AKAP12: variants seen among roughly 807,000 people sequenced by gnomAD.
AKAP12 encodes the protein A-kinase anchor protein 12.
A neutral mutation model predicts 79.9 loss-of-function variants in AKAP12; 32 were observed. The observed-to-expected ratio is 0.40, with a 90% CI of 0.30 to 0.54. AKAP12 has a LOEUF of 0.54. AKAP12 is among the 20% of genes least tolerant of loss of function. The pLI is 0.48. For synonymous variants in AKAP12, 808 were observed against 857.0 expected (o/e 0.94, Z 1.00); for missense variants, 2,074 against 2,177.0 (o/e 0.95, Z 0.94).
At chr6:151,246,094 A>G (rs1269635553) in intron 2 of AKAP12, among the ~76,000 whole-genome samples, 1 of 152,170 alleles carries the variant, frequency 6.6e-6, no homozygotes, top group Non-Finnish European at 1.5e-5. Flanking sequence ...CATAAGTGTA[A>G]TTGCTGAATT....
intron 2 of AKAP12, among the ~76,000 whole-genome samples, chr6:151,248,704 TG>T (rs1412515367): frequency 3.3e-5 from 5 of 152,140 alleles, no homozygotes; most frequent in Non-Finnish European, 7.4e-5. Flanking sequence ...AAAAGTGGGT[TG>T]CTGGCCGGGC....
intron 3 of AKAP12, 91 bp from the exon 4 acceptor site, chr6:151,348,620 G>A (rs1778175736): frequency 1.1e-5 from 11 of 970,270 alleles, no homozygotes; most frequent in Non-Finnish European, 1.5e-5. Context: ...GCCGGGGCAA[G>A]AGAGTGAGGC....
chr6:151,290,875 G>A (rs761618075), intron 2 of AKAP12, among the ~76,000 whole-genome samples: 43 of 152,294 alleles, frequency 2.8e-4, no homozygotes, highest in Non-Finnish European at 1.2e-4. Flanking sequence ...CTACCGAAGT[G>A]CTGGGATTAC....
chr6:151,274,041 A>T (rs923471567), intron 2 of AKAP12, among the ~76,000 whole-genome samples: 1 of 146,828 alleles, frequency 6.8e-6, no homozygotes, highest in African/African-American at 2.6e-5. Context: ...AAACAAAAAC[A>T]AAAAAGAATG....
At chr6:151,322,691 C>A (rs904522827) in intron 3 of AKAP12, among the ~76,000 whole-genome samples, 14 of 149,654 alleles carry the variant, frequency 9.4e-5, no homozygotes, top group Non-Finnish European at 1.8e-4. Context: ...CTGCCCACTC[C>A]CGCCACTGGG....
chr6:151,293,998 G>A (rs546579272), intron 2 of AKAP12, among the ~76,000 whole-genome samples: 1 of 149,358 alleles, frequency 6.7e-6, no homozygotes, highest in African/African-American at 2.5e-5. Context: ...TTTTTGAGGC[G>A]AGGTCTTGCT....
intron 3 of AKAP12, among the ~76,000 whole-genome samples, chr6:151,340,169 A>C (rs1440829092): frequency 6.6e-6 from 1 of 150,598 alleles, no homozygotes; most frequent in East Asian, 2.0e-4. Context: ...TCATGATCTC[A>C]TGATCCACCC....
At chr6:151,326,583 G>A (rs936447309) in intron 3 of AKAP12, among the ~76,000 whole-genome samples, 3 of 151,494 alleles carry the variant, frequency 2.0e-5, no homozygotes, top group African/African-American at 7.3e-5. Context: ...AATATTTACT[G>A]CCTACTTCTA....
intron 3 of AKAP12, among the ~76,000 whole-genome samples, chr6:151,308,312 A>G (rs946416003): frequency 5.3e-5 from 8 of 149,786 alleles, no homozygotes; most frequent in African/African-American, 1.7e-4. Flanking sequence ...TTCCAGGTTC[A>G]AGTGATTCTC....
intron 2 of AKAP12, among the ~76,000 whole-genome samples, chr6:151,241,256 T>A (rs1796969879): frequency 6.6e-6 from 1 of 152,134 alleles, no homozygotes; most frequent in South Asian, 2.1e-4. Context: ...TGGTACCCAG[T>A]CCTCCTGCGG....
chr6:151,348,680 T>TCTCTCCC, intron 3 of AKAP12, 31 bp from the exon 4 acceptor site: 1 of 355,202 alleles, frequency 2.8e-6, no homozygotes, highest in Non-Finnish European at 5.5e-6. Context: ...TTTTCTCTTC[T>TCTCTCCC]CCCCACCCCC....
intron 2 of AKAP12, among the ~76,000 whole-genome samples, chr6:151,295,140 G>T (rs1054079313): frequency 2.0e-5 from 3 of 152,168 alleles, no homozygotes; most frequent in Non-Finnish European, 4.4e-5. Flanking sequence ...TGAGAATTTA[G>T]AGGCCTAATT....
At chr6:151,295,082 C>T (rs1035339453) in intron 2 of AKAP12, among the ~76,000 whole-genome samples, 7 of 152,182 alleles carry the variant, frequency 4.6e-5, no homozygotes, top group Non-Finnish European at 8.8e-5. Context: ...TGTTGATACA[C>T]GCAGTATACT....
intron 2 of AKAP12, among the ~76,000 whole-genome samples, chr6:151,301,183 G>C (rs1252744993): frequency 2.0e-5 from 3 of 152,144 alleles, no homozygotes; most frequent in African/African-American, 4.8e-5. Context: ...TGTTGTGTCT[G>C]CATCTTTCAG....
intron 2 of AKAP12, among the ~76,000 whole-genome samples, chr6:151,291,073 G>T (rs1776609034): frequency 6.6e-6 from 1 of 152,118 alleles, no homozygotes; most frequent in Non-Finnish European, 1.5e-5. Context: ...TTGAGAGCTG[G>T]TCTCCAGTTG....
intron 3 of AKAP12, among the ~76,000 whole-genome samples, chr6:151,340,202 G>A (rs889736718): frequency 2.7e-5 from 4 of 150,918 alleles, no homozygotes; most frequent in African/African-American, 9.7e-5. Flanking sequence ...CAAAGTGCTG[G>A]GTTACAGTCA....
intron 3 of AKAP12, among the ~76,000 whole-genome samples, chr6:151,328,572 G>T (rs1777591393): frequency 6.6e-6 from 1 of 151,122 alleles, no homozygotes; most frequent in Non-Finnish European, 1.5e-5. Flanking sequence ...GGGAGGCAGA[G>T]GTTGCAGTGA....
intron 2 of AKAP12, among the ~76,000 whole-genome samples, chr6:151,249,039 T>C (rs1302961396): frequency 6.6e-6 from 1 of 152,120 alleles, no homozygotes; most frequent in East Asian, 1.9e-4. Flanking sequence ...GATTGTGCCA[T>C]TCAAGGTAAG....
At chr6:151,315,632 A>G (rs994855033) in intron 3 of AKAP12, among the ~76,000 whole-genome samples, 14 of 152,328 alleles carry the variant, frequency 9.2e-5, no homozygotes, top group African/African-American at 2.9e-4. Flanking sequence ...CACCTAATTT[A>G]TAGTAACTTT....
Sources: allele counts gnomAD v4.1 joint callset (sites outside exome capture counted in the v4.1 genomes callset), GRCh38; gene constraint gnomAD v4.1.1; transcripts MANE v1.5; gene names NCBI Gene and HGNC (gene_info 2026-07-23, HGNC 2026-07-21).